Variants in NCKAP1L observed in about 807,000 individuals in gnomAD.
NCKAP1L encodes NCK associated protein 1 like, also known as nck-associated protein 1-like.
NCKAP1L carries 53 observed loss-of-function variants against 139.2 expected under a neutral mutation model. The observed-to-expected ratio is 0.38, with a 90% CI of 0.31 to 0.48. The LOEUF is 0.48. NCKAP1L is among the 20% of genes least tolerant of loss of function. The pLI is 0.98. For missense variants in NCKAP1L, 1,151 were observed against 1,381.9 expected, an observed-to-expected ratio of 0.83 and a Z score of 2.65; for synonymous variants, 468 against 499.7, an observed-to-expected ratio of 0.94 and a Z score of 0.85.
chr12:54,508,448 C>T lies in NCKAP1L; in HGVS notation c.423C>T (p.Val141=), dbSNP rs769981985. The part of the protein sequence containing the change: ...YLDLIVTYTS[V]ILLLSRIEDR... ...ACTTGATTGTAACTTACACCTCAGT[C>T]ATTTTACTTCTGTCACGGATTGAAG... The change falls in exon 5 of 31, where the codon GTC becomes GTT. Residue 141 remains valine, a synonymous_variant. Transcript: ENST00000293373. The T allele has an allele frequency of 3.1e-6, 5 of 1,614,028 alleles. No individual in the cohort carries two copies. In the African/African-American group the frequency reaches 4.0e-5, roughly 13 times the overall value.
chr12:54,522,231 G>A (rs575294030), intron 18 of NCKAP1L, among the ~76,000 whole-genome samples: 1 of 152,116 alleles, frequency 6.6e-6, no homozygotes, highest in Non-Finnish European at 1.5e-5. Context: ...AATGCAAGAA[G>A]ATATGCAAAT....
At chr12:54,518,066 C>T (rs551153929) in intron 13 of NCKAP1L, 128 bp downstream of exon 13, 181 of 1,104,692 alleles carry the variant, frequency 1.6e-4, no homozygotes, top group Middle Eastern at 2.7e-4. Flanking sequence ...CTAGGCTGGG[C>T]GCGGTGGCTC....
intron 26 of NCKAP1L, 110 bp downstream of exon 26, chr12:54,532,360 G>A (rs1283411028): frequency 4.2e-6 from 3 of 708,714 alleles, no homozygotes; most frequent in Non-Finnish European, 6.7e-6. Flanking sequence ...ATAGGGATAA[G>A]GGCGAGGGTT....
At chr12:54,539,651 G>A (rs931123710) in intron 30 of NCKAP1L, among the ~76,000 whole-genome samples, 1 of 152,174 alleles carries the variant, frequency 6.6e-6, no homozygotes, top group Non-Finnish European at 1.5e-5. Context: ...TGTTAGTAAT[G>A]CACTTAGGTA....
In NCKAP1L at chr12:54,499,441, C is replaced by A. The variant is rs751713700; in HGVS notation, c.189C>A (p.Pro63=). 6.2e-6 allele frequency: 10 copies of A among 1,600,056 alleles called. No individual in the cohort carries two copies. The South Asian group carries it at 1.1e-4, about 18-fold the overall frequency. Residue 63 remains proline (P), a synonymous_variant, in exon 2 of 31, where the codon CCC becomes CCA. Transcript: ENST00000293373. The stretch of plus-strand genomic sequence containing the variant: ...TCAAGTATATCAACAAGAAATTTCC[C>A]AACATAGATGTCCGAAACAGCACGG... ...PSLKYINKKF[P]NIDVRNSTQH...
At position 54,521,148 on chromosome 12, in the gene NCKAP1L, C is replaced by A; in HGVS notation, c.1788C>A (p.His596Gln). ...CCCACCTCAAGAACCATGGTCTTCA[C>A]CACTGCAACTCCTTCCTGGAAGAGT... ...EYPHLKNHGL[H>Q]HCNSFLEELA... is the part of the protein sequence containing the mutation. The change falls in exon 18 of 31, where the codon CAC becomes CAA. Residue 596 changes from histidine to glutamine, a missense_variant. By Grantham distance (24) the His-to-Gln change is conservative. Transcript: ENST00000293373. The A allele has an allele frequency of 6.2e-7, 1 of 1,614,058 alleles. No homozygotes were observed. The highest frequency in any genetic ancestry group is 8.5e-7 in the Non-Finnish European group (1 of 1,180,000).
chr12:54,518,620 C>T (rs1387373864), intron 13 of NCKAP1L, 31 bp from the exon 14 acceptor site: 2 of 1,578,598 alleles, frequency 1.3e-6, no homozygotes, highest in Non-Finnish European at 1.7e-6. Flanking sequence ...AACCTGTGCC[C>T]ACTTGACAGT....
chr12:54,516,455 T>C (rs371031877), intron 10 of NCKAP1L, among the ~76,000 whole-genome samples, 160 bp downstream of exon 10: 3 of 151,836 alleles, frequency 2.0e-5, no homozygotes, highest in African/African-American at 4.8e-5. Flanking sequence ...CTTTTCTTTT[T>C]TTTTTTTTTG....
chr12:54,513,669 C>G (rs1412183254), intron 9 of NCKAP1L, among the ~76,000 whole-genome samples: 1 of 152,092 alleles, frequency 6.6e-6, no homozygotes, highest in East Asian at 1.9e-4. Flanking sequence ...GGATTTGGCT[C>G]TAAAGATGGT....
chr12:54,522,164 T>C (rs1956989042), intron 18 of NCKAP1L, among the ~76,000 whole-genome samples: 1 of 152,204 alleles, frequency 6.6e-6, no homozygotes, highest in Non-Finnish European at 1.5e-5. Flanking sequence ...TTGGGGAATG[T>C]CCCAGTTTAA....
chr12:54,542,780 G>C lies in NCKAP1L; in HGVS notation c.*95G>C. On this transcript the variant is annotated 3_prime_UTR_variant, in exon 31 of 31. Transcript: ENST00000293373. ...CACTTTCGCAGGGGGTGGGAATGGG[G>C]TGGGGTCACTAAGGAGAGAGGGTCA... 1 of 666,988 alleles carries C rather than the reference G, an allele frequency of 1.5e-6. No individual in the cohort carries two copies. Among genetic ancestry groups the C allele is most frequent in the African/African-American group, 1.8e-5 (1 of 55,568 alleles). The allele number at this position is 666,988 out of a possible 1,614,324, so 41.3% of individuals were successfully genotyped here.
chr12:54,517,392 T>C, intron 11 of NCKAP1L, 141 bp from the exon 12 acceptor site: 1 of 645,288 alleles, frequency 1.5e-6, no homozygotes, highest in Non-Finnish European at 2.7e-6. Flanking sequence ...TTGAGGTTTT[T>C]TGGTGAGTCT....
rs796409088 is a variant in NCKAP1L, at chr12:54,537,750, T to A, written c.3183+697T>A. ...AATGTGCATTTCTGTTCCCAGGTAA[T>A]CTTGATGCTGCTTGTCTGGGAATCT... On this transcript the variant is annotated intron_variant, in intron 29 of 30. Coordinates refer to ENST00000293373, the MANE Select transcript of NCKAP1L (RefSeq NM_005337.5). 3.9e-5 allele frequency among the ~76,000 whole-genome samples: 6 copies of A among 152,328 alleles called. 1 individual carries two copies. The South Asian group carries it at 1.2e-3, about 32-fold the overall frequency.
chr12:54,535,010 A>T, intron 26 of NCKAP1L, 94 bp from the exon 27 acceptor site: 1 of 898,438 alleles, frequency 1.1e-6, no homozygotes, highest in Non-Finnish European at 1.7e-6. Flanking sequence ...AAAAAAAATT[A>T]AACCTGTGAT....
At chr12:54,517,074 C>G (rs1565676550) in intron 11 of NCKAP1L, 82 bp downstream of exon 11, 9 of 1,161,294 alleles carry the variant, frequency 7.7e-6, no homozygotes, top group Non-Finnish European at 6.4e-6. Flanking sequence ...GAGATTTTGC[C>G]TTTCTGAGTC....
At chr12:54,521,361 G>A (rs1288290012) in intron 18 of NCKAP1L, 123 bp downstream of exon 18, 2 of 1,354,274 alleles carry the variant, frequency 1.5e-6, no homozygotes, top group South Asian at 1.4e-5. Context: ...GTAGGGCTAG[G>A]GCCTTTCTGT....
chr12:54,533,450 G>A (rs187511325), intron 26 of NCKAP1L, among the ~76,000 whole-genome samples: 61 of 152,294 alleles, frequency 4.0e-4, no homozygotes, highest in East Asian at 2.3e-3. Flanking sequence ...CTCTGAGGCC[G>A]TGGTTCCACA....
rs879172553 is a variant in NCKAP1L, at chr12:54,536,252, A to G, written c.3073+7A>G. On this transcript the variant is annotated splice_region_variant and intron_variant, in intron 28 of 30. Coordinates refer to ENST00000293373, the MANE Select transcript of NCKAP1L (RefSeq NM_005337.5). ...TATAGCATTGAGAAGGATGGTAAGT[A>G]AGGGGTAGGTTTGAGACACCAGTGC... 6 of 1,590,278 alleles carry G rather than the reference A, an allele frequency of 3.8e-6. No homozygotes were observed. In the South Asian group the frequency reaches 6.6e-5, roughly 18 times the overall value.
At chr12:54,507,589 G>A (rs1489567195) in intron 3 of NCKAP1L, among the ~76,000 whole-genome samples, 1 of 152,144 alleles carries the variant, frequency 6.6e-6, no homozygotes, top group East Asian at 1.9e-4. Flanking sequence ...ATGGGGCATA[G>A]GGATGATAAG....
Sources: allele counts gnomAD v4.1 joint callset (sites outside exome capture counted in the v4.1 genomes callset), GRCh38; gene constraint gnomAD v4.1.1; transcripts MANE v1.5; gene names NCBI Gene and HGNC (gene_info 2026-07-23, HGNC 2026-07-21).